The following GIGYF1 variants were observed in gnomAD, a reference collection of about 807,000 sequenced individuals.
The protein encoded by GIGYF1 is GRB10 interacting GYF protein 1.
A neutral mutation model predicts 147.1 loss-of-function variants in GIGYF1; 84 were observed. The ratio of observed to expected loss-of-function variants is 0.57; its 90% CI spans 0.48 to 0.68. The LOEUF (loss-of-function observed/expected upper bound fraction) is 0.68, where lower values mean the gene tolerates loss of function less well. Ranked by LOEUF, GIGYF1 falls within the 30% of genes least tolerant of loss-of-function variation. The pLI is 0.00. For synonymous variants in GIGYF1, 752 were observed against 589.5 expected, an observed-to-expected ratio of 1.28 and a Z score of -3.99; for missense variants, 1,485 against 1,393.7, an observed-to-expected ratio of 1.07 and a Z score of -1.04.
At chr7:100,682,981 G>A (rs1225574112) in intron 22 of GIGYF1, 31 bp downstream of exon 22, 1 of 1,454,234 alleles carries the variant, frequency 6.9e-7, no homozygotes, top group South Asian at 1.3e-5. Context: ...GAAACTGTAG[G>A]GGGAGCCCGG....
rs757972665 is a variant in GIGYF1 at position 100,682,631 on chromosome 7, A to C, written c.2559T>G (p.Arg853=). The C allele has an allele frequency of 4.4e-6, 7 of 1,598,648 alleles. No homozygotes were observed. The African/African-American group carries it at 9.4e-5, about 21-fold the overall frequency. ...DTPKSGGSLV[R]GLGLKNSRSS... ...TCCGGCTGTTCTTCAGGCCGAGGCC[A>C]CGGACCAGGCTCCCGCCGCTCTTGG... The change falls in exon 23 of 27, where the codon CGT becomes CGG. Residue 853 remains arginine, a synonymous_variant. Coordinates refer to ENST00000678049, the MANE Select transcript of GIGYF1 (RefSeq NM_001375765.1).
chr7:100,682,867 G>A (rs1584490949), intron 22 of GIGYF1, 90 bp from the exon 23 acceptor site: 1 of 1,355,212 alleles, frequency 7.4e-7, no homozygotes, highest in Non-Finnish European at 9.9e-7. Flanking sequence ...AGGGAGACAG[G>A]TGAGGTGAGG....
At chr7:100,682,931 A>G in intron 22 of GIGYF1, 81 bp downstream of exon 22, 1 of 1,318,718 alleles carries the variant, frequency 7.6e-7, no homozygotes, top group Non-Finnish European at 1.0e-6. Context: ...CTGGGGCTGC[A>G]CAAGTCTGGG....
rs768480562 is a variant in GIGYF1, at chr7:100,684,417, CCT to C, written c.1629+31_1629+32del. On this transcript the variant is annotated intron_variant, in intron 16 of 26. Transcript: ENST00000678049. ...GGACTCCTGCCGGCACCCCTCACAC[CCT>C]GTCCCTCCATGCAGGGGAGAAGCGG... The C allele has an allele frequency of 3.1e-6, 5 of 1,610,086 alleles. No homozygotes were observed. In the Admixed American group the frequency reaches 5.0e-5, roughly 16 times the overall value.
At chr7:100,690,401 G>A (rs1014394889) in intron 1 of GIGYF1, among the ~76,000 whole-genome samples, 1 of 152,194 alleles carries the variant, frequency 6.6e-6, no homozygotes, top group African/African-American at 2.4e-5. Context: ...CCAGCACTGT[G>A]GGAGGCTTGA....
In GIGYF1 at chr7:100,684,857, G is replaced by C; in HGVS notation, c.1328C>G (p.Ser443Cys). The change falls in exon 15 of 27, where the codon TCC becomes TGC. Residue 443 changes from serine (S) to cysteine (C), a missense_variant. Ser to Cys is a moderately radical substitution (Grantham distance 112). Coordinates refer to ENST00000678049, the MANE Select transcript of GIGYF1 (RefSeq NM_001375765.1). The stretch of plus-strand genomic sequence containing the variant: ...AGCCGTGAACTGCTCCTCCTCCAAG[G>C]AGCTGTCCTGCAGGGAGGCCACCAG... ...EKLVASLQDS[S>C]LEEEQFTAAM... 6.2e-7 allele frequency: 1 copy of C among 1,605,108 alleles called. No individual in the cohort carries two copies. The highest frequency in any genetic ancestry group is 1.7e-5 in the Admixed American group (1 of 59,300).
intron 7 of GIGYF1, 22 bp downstream of exon 7, chr7:100,687,483 G>A (rs752133164): frequency 1.9e-6 from 3 of 1,607,208 alleles, no homozygotes; most frequent in Non-Finnish European, 2.6e-6. Flanking sequence ...CCCGTCCCCA[G>A]GACACGCCAT....
chr7:100,682,764 A>C lies in GIGYF1; in HGVS notation c.2426T>G (p.Leu809Arg). ...APNHRVQLGG[L>R]GTAPLNQWVS... ...CCACTGGTTCAGGGGGGCAGTGCCC[A>C]GGCCCCCAAGCTGCTACAGATGGCA... The change falls in exon 23 of 27, where the codon CTG becomes CGG. Residue 809 changes from leucine (L) to arginine (R), a missense_variant. Leu to Arg is a moderately radical substitution (Grantham distance 102). Coordinates refer to ENST00000678049, the MANE Select transcript of GIGYF1 (RefSeq NM_001375765.1). The C allele has an allele frequency of 6.5e-7, 1 of 1,527,484 alleles. No homozygotes were observed. Among genetic ancestry groups the C allele is most frequent in the Non-Finnish European group, 8.8e-7 (1 of 1,139,340 alleles). 94.6% of individuals were successfully genotyped at this position (1,527,484 alleles called of 1,614,324 possible).
intron 19 of GIGYF1, 67 bp downstream of exon 19, chr7:100,683,751 G>C (rs879045338): frequency 6.4e-7 from 1 of 1,555,992 alleles, no homozygotes; most frequent in East Asian, 2.2e-5. Context: ...TGGGGGTGGG[G>C]AGCAGACCCC....
chr7:100,683,952 A>T, intron 18 of GIGYF1, 34 bp from the exon 19 acceptor site: 1 of 1,564,732 alleles, frequency 6.4e-7, no homozygotes, highest in Non-Finnish European at 8.7e-7. Flanking sequence ...TAGGACCCCA[A>T]ATCCATCTCT....
rs1804618196 is a variant in GIGYF1 at position 100,680,348 on chromosome 7, T to G, written c.*1371A>C. The G allele has an allele frequency of 6.6e-6, 1 of 152,406 alleles. No homozygotes were observed. The highest frequency in any genetic ancestry group is 6.6e-5 in the Admixed American group (1 of 15,266). The allele number at this position is 152,406 out of a possible 1,614,324, so 9.4% of individuals were successfully genotyped here. ...ACTGCACTCTGAGCAATGAGGTCAA[T>G]GGGAGGAGCTGGATGAGAAACCCAA... On this transcript the variant is annotated 3_prime_UTR_variant, in exon 27 of 27. Transcript: ENST00000678049.
chr7:100,687,224 C>T, intron 8 of GIGYF1, 74 bp downstream of exon 8: 2 of 1,496,978 alleles, frequency 1.3e-6, no homozygotes, highest in Middle Eastern at 3.5e-4. Context: ...GCCTCTGTTA[C>T]CCTCTAGCGA....
At chr7:100,684,697 G>A in intron 15 of GIGYF1, 26 bp downstream of exon 15, 6 of 1,611,032 alleles carry the variant, frequency 3.7e-6, no homozygotes, top group Non-Finnish European at 4.2e-6. Context: ...ACGGCCTTGA[G>A]CAGCCCTCCC....
At chr7:100,683,979 C>A (rs770777051) in intron 18 of GIGYF1, 41 bp downstream of exon 18, 1 of 1,580,800 alleles carries the variant, frequency 6.3e-7, no homozygotes, top group East Asian at 2.3e-5. Flanking sequence ...CCCCCATCCC[C>A]CCCCCACCCT....
At chr7:100,683,270 T>TC (rs749362923) in intron 21 of GIGYF1, 34 bp downstream of exon 21, 3 of 1,613,326 alleles carry the variant, frequency 1.9e-6, no homozygotes, top group Admixed American at 1.7e-5. Flanking sequence ...GCGAGGGTTG[T>TC]CCACCCAGCC....
In GIGYF1 at chr7:100,687,209, G is replaced by A; in HGVS notation, c.482+89C>T. The A allele has an allele frequency of 2.7e-6, 4 of 1,455,824 alleles. No homozygotes were observed. The South Asian group carries it at 4.6e-5, about 17-fold the overall frequency. 90.2% of individuals were successfully genotyped at this position (1,455,824 alleles called of 1,614,324 possible). On this transcript the variant is annotated intron_variant, in intron 8 of 26. Transcript: ENST00000678049. ...CCGGGATCTCGGACAGGGCTTATCT[G>A]GTGGGCCTCTGTTACCCTCTAGCGA...
chr7:100,682,799 A>C (rs1202507367), intron 22 of GIGYF1, 22 bp from the exon 23 acceptor site: 1 of 1,515,236 alleles, frequency 6.6e-7, no homozygotes. Context: ...AGAAGATCAG[A>C]GTGGCTCAAA....
chr7:100,693,107 CAGGAGGGA>C (rs933890825), intron 1 of GIGYF1, among the ~76,000 whole-genome samples: 5 of 151,750 alleles, frequency 3.3e-5, no homozygotes, highest in African/African-American at 1.2e-4. Context: ...CTTTGAGAGG[CAGGAGGGA>C]AGTAAGGCTT....
At position 100,685,422 on chromosome 7, in the gene GIGYF1, G is replaced by C. The variant is rs1359074388; in HGVS notation, c.1114C>G (p.Leu372Val). 1.9e-6 allele frequency: 3 copies of C among 1,588,012 alleles called. No homozygotes were observed. The highest frequency in any genetic ancestry group is 2.2e-5 in the East Asian group (1 of 44,554). Residue 372 changes from leucine (L) to valine (V), a missense_variant, in exon 13 of 27, where the codon CTG (leucine) becomes GTG (valine). Coordinates refer to ENST00000678049, the MANE Select transcript of GIGYF1 (RefSeq NM_001375765.1). The part of the protein sequence containing the change: ...QEEKSSSPSP[L>V]PTLGPLWGTN... ...CCCCAGAGTGGGCCCAGGGTGGGCA[G>C]TGGGGATGGGGAGCTGGACTTCTCC...
Sources: gnomAD v4.1 joint callset for allele counts (sites outside exome capture counted in the v4.1 genomes callset) on GRCh38, gnomAD v4.1.1 for gene constraint, MANE v1.5 for transcripts, NCBI Gene and HGNC (gene_info 2026-07-23, HGNC 2026-07-21) for gene names.